The following UBE2E2 variants were observed in gnomAD, a reference collection of about 807,000 sequenced individuals.
UBE2E2 encodes the protein ubiquitin-conjugating enzyme E2 E2.
Under a neutral mutation model 24.7 loss-of-function variants are expected in UBE2E2, and 6 were observed. The observed-to-expected ratio is 0.24, with a 90% CI of 0.13 to 0.48. The LOEUF is 0.48. Among genes scored for constraint, UBE2E2 ranks in the 20% least tolerant of loss-of-function variants. UBE2E2 has a pLI of 0.99. For missense variants in UBE2E2, 169 were observed against 245.0 expected (o/e 0.69, Z 2.07); for synonymous variants, 104 against 83.6 (o/e 1.24, Z -1.33).
At chr3:23,258,328 C>G (rs759491433) in intron 3 of UBE2E2, among the ~76,000 whole-genome samples, 1 of 152,086 alleles carries the variant, frequency 6.6e-6, no homozygotes, top group Non-Finnish European at 1.5e-5. Flanking sequence ...AAGGATGAGT[C>G]ATGGTATTGG....
intron 3 of UBE2E2, among the ~76,000 whole-genome samples, chr3:23,245,276 A>C (rs1386318250): frequency 1.3e-5 from 2 of 152,142 alleles, no homozygotes; most frequent in Non-Finnish European, 2.9e-5. Flanking sequence ...AAGAAGATGC[A>C]AAGAAAATAT....
chr3:23,557,299 C>T (rs1212821440), intron 5 of UBE2E2, among the ~76,000 whole-genome samples: 3 of 152,146 alleles, frequency 2.0e-5, no homozygotes, highest in South Asian at 2.1e-4. Context: ...TTTACTGTTG[C>T]GCATTTTGTA....
chr3:23,349,946 G>C (rs1158103643), intron 3 of UBE2E2, among the ~76,000 whole-genome samples: 3 of 152,252 alleles, frequency 2.0e-5, no homozygotes, highest in Non-Finnish European at 4.4e-5. Flanking sequence ...GTGGGTCCCT[G>C]ACCCCTGACC....
intron 3 of UBE2E2, among the ~76,000 whole-genome samples, chr3:23,479,883 C>G (rs1699220317): frequency 1.3e-5 from 2 of 152,064 alleles, no homozygotes; most frequent in Non-Finnish European, 2.9e-5. Context: ...TACATGCTGA[C>G]TGGTCCATGG....
chr3:23,535,246 A>T (rs1695224915), intron 5 of UBE2E2, among the ~76,000 whole-genome samples: 1 of 152,194 alleles, frequency 6.6e-6, no homozygotes, highest in Non-Finnish European at 1.5e-5. Context: ...ATGAGATGGT[A>T]TATGTGAAAG....
chr3:23,234,509 G>C (rs1356731994), intron 3 of UBE2E2, among the ~76,000 whole-genome samples: 1 of 152,158 alleles, frequency 6.6e-6, no homozygotes, highest in African/African-American at 2.4e-5. Flanking sequence ...TTAGAAAATA[G>C]AGCCTGCATT....
At chr3:23,278,089 G>A (rs185121211) in intron 3 of UBE2E2, among the ~76,000 whole-genome samples, 4 of 152,186 alleles carry the variant, frequency 2.6e-5, no homozygotes, top group East Asian at 1.9e-4. Flanking sequence ...AGTGGAAAAG[G>A]TATGCAAATA....
Position 23,563,734 on chromosome 3 carries a change from A to G in UBE2E2, c.509-26000A>G, listed in dbSNP as rs181382676. On this transcript the variant is annotated intron_variant, in intron 5 of 5. Coordinates refer to ENST00000396703, the MANE Select transcript of UBE2E2 (RefSeq NM_152653.4). ...AAGGATATAAGCAAGAATACTCACT[A>G]AAAGTAGCTATAAGTGAAATATTGG... 2.0e-5 allele frequency among the ~76,000 whole-genome samples: 3 copies of G among 152,268 alleles called. No homozygotes were observed. The East Asian group carries it at 5.8e-4, about 29-fold the overall frequency.
At chr3:23,568,107 C>CA (rs1388239067) in intron 5 of UBE2E2, among the ~76,000 whole-genome samples, 1 of 152,184 alleles carries the variant, frequency 6.6e-6, no homozygotes, top group East Asian at 1.9e-4. Context: ...TTTCCACAGT[C>CA]AAAGGCAGGC....
At chr3:23,214,219 A>C (rs1258743548) in intron 2 of UBE2E2, among the ~76,000 whole-genome samples, 2 of 152,104 alleles carry the variant, frequency 1.3e-5, no homozygotes, top group African/African-American at 4.8e-5. Context: ...TGGAGTTCAA[A>C]TTTTATATAG....
intron 3 of UBE2E2, among the ~76,000 whole-genome samples, chr3:23,359,167 T>C (rs1020509563): frequency 1.3e-5 from 2 of 152,204 alleles, no homozygotes; most frequent in African/African-American, 2.4e-5. Flanking sequence ...AAATGACTAG[T>C]TTTTTGTCTT....
chr3:23,296,932 A>C (rs1698927521), intron 3 of UBE2E2, among the ~76,000 whole-genome samples: 1 of 152,200 alleles, frequency 6.6e-6, no homozygotes, highest in Non-Finnish European at 1.5e-5. Flanking sequence ...CCAACAGTGT[A>C]AAAGTCTTCC....
chr3:23,444,539 C>T (rs1251690641), intron 3 of UBE2E2, among the ~76,000 whole-genome samples: 2 of 152,126 alleles, frequency 1.3e-5, no homozygotes, highest in Admixed American at 6.5e-5. Flanking sequence ...AAAGTCAACC[C>T]TACTGTCATC....
chr3:23,325,907 T>C (rs1401531680), intron 3 of UBE2E2, among the ~76,000 whole-genome samples: 1 of 152,210 alleles, frequency 6.6e-6, no homozygotes, highest in African/African-American at 2.4e-5. Context: ...AGTGATATAG[T>C]CACACTGTGA....
At chr3:23,399,764 C>G (rs920599479) in intron 3 of UBE2E2, among the ~76,000 whole-genome samples, 3 of 152,104 alleles carry the variant, frequency 2.0e-5, no homozygotes, top group African/African-American at 7.2e-5. Context: ...TTTTCTTTTC[C>G]TGCTCAACAA....
rs139876687 is a variant in UBE2E2, at chr3:23,270,743, T to C, written c.227+53431T>C. ...TCTAGCTTCCTGTGTGAGAAAGTGC[T>C]CTGTCAGGTCTGATTTGTGTGGATT... is the stretch of plus-strand genomic sequence containing the variant. On this transcript the variant is annotated intron_variant, in intron 3 of 5. Coordinates refer to ENST00000396703, the MANE Select transcript of UBE2E2 (RefSeq NM_152653.4). 4.3e-3 allele frequency among the ~76,000 whole-genome samples: 653 copies of C among 152,356 alleles called. 1 individual carries two copies. The highest frequency in any genetic ancestry group is 6.8e-3 in the Non-Finnish European group (460 of 68,034).
At chr3:23,429,147 A>G (rs1458423305) in intron 3 of UBE2E2, among the ~76,000 whole-genome samples, 1 of 151,990 alleles carries the variant, frequency 6.6e-6, no homozygotes, top group Non-Finnish European at 1.5e-5. Context: ...ATCAGTAACT[A>G]ATAACTTTCC....
intron 3 of UBE2E2, among the ~76,000 whole-genome samples, chr3:23,358,335 T>C (rs1696023359): frequency 6.6e-6 from 1 of 152,190 alleles, no homozygotes; most frequent in South Asian, 2.1e-4. Flanking sequence ...AATAACTTTG[T>C]GTATGATGGT....
rs182896531 is a variant in UBE2E2, at chr3:23,312,937, A to G, written c.227+95625A>G. 8.5e-4 allele frequency among the ~76,000 whole-genome samples: 129 copies of G among 152,312 alleles called. 1 individual carries two copies. The highest frequency in any genetic ancestry group is 8.1e-3 in the East Asian group (42 of 5,182). On this transcript the variant is annotated intron_variant, in intron 3 of 5. Transcript: ENST00000396703. ...CATTATTGATTTCTAGTTTTACTCT[A>G]TTGTCATCAGAGAAGATACCTGATA...
Sources: allele counts gnomAD v4.1 joint callset (sites outside exome capture counted in the v4.1 genomes callset), GRCh38; gene constraint gnomAD v4.1.1; transcripts MANE v1.5; gene names NCBI Gene and HGNC (gene_info 2026-07-23, HGNC 2026-07-21).